The following GUCY1A2 variants were observed in gnomAD, a reference collection of about 807,000 sequenced individuals.
GUCY1A2 encodes guanylate cyclase 1 soluble subunit alpha 2.
GUCY1A2 carries 27 observed loss-of-function variants against 63.5 expected under a neutral mutation model. That is an observed-to-expected ratio of 0.43 (90% CI 0.31 to 0.59). GUCY1A2 has a LOEUF of 0.59. Among genes scored for constraint, GUCY1A2 ranks in the 20% least tolerant of loss-of-function variants. The probability of loss-of-function intolerance (pLI) is 0.11; values close to 1 mark genes in which losing one functional copy is unlikely to be tolerated. For synonymous variants in GUCY1A2, 364 were observed against 343.5 expected, an observed-to-expected ratio of 1.06 and a Z score of -0.66; for missense variants, 768 against 913.3, an observed-to-expected ratio of 0.84 and a Z score of 2.05.
At chr11:106,739,395 C>G (rs7128815) in intron 6 of GUCY1A2, among the ~76,000 whole-genome samples, 74,543 of 152,096 alleles carry the variant, frequency 0.49, 19,959 homozygotes, top group East Asian at 0.72. Context: ...AAAAAGGATA[C>G]ATTTCAAAAT....
rs190574623 is a variant in GUCY1A2 at position 106,946,983 on chromosome 11, C to G, written c.488-6805G>C. ...CCTGTAATCCCAGCACTTTGGGAGG[C>G]CGAGGCGGGTGGATAATGAAGTCAG... On this transcript the variant is annotated intron_variant, in intron 3 of 7. Coordinates refer to ENST00000526355, the MANE Select transcript of GUCY1A2 (RefSeq NM_000855.3). Among the ~76,000 whole-genome samples the G allele has an allele frequency of 3.0e-3, 460 of 152,064 alleles. 5 individuals carry two copies. Among genetic ancestry groups the G allele is most frequent in the African/African-American group, 0.01 (425 of 41,472 alleles).
At chr11:106,766,794 TAAAAGAGACTG>T (rs1201439484) in intron 6 of GUCY1A2, among the ~76,000 whole-genome samples, 1 of 152,016 alleles carries the variant, frequency 6.6e-6, no homozygotes, top group Non-Finnish European at 1.5e-5. Flanking sequence ...CATATAGGCT[TAAAAGAGACTG>T]AAGTGTCAGT....
At chr11:106,810,781 T>C (rs1027505721) in intron 4 of GUCY1A2, among the ~76,000 whole-genome samples, 7 of 152,132 alleles carry the variant, frequency 4.6e-5, no homozygotes, top group Non-Finnish European at 8.8e-5. Flanking sequence ...AGGTACATCA[T>C]GAAACTGGTT....
In GUCY1A2 at chr11:106,833,659, C is replaced by T. The variant is rs147848945; in HGVS notation, c.1207-23181G>A. ...GTTTTCTACCATGTGGAACAGTACA[C>T]GCCATGTAGGCACTCTATAGATATT... On this transcript the variant is annotated intron_variant, in intron 4 of 7. Transcript: ENST00000526355. 2.3e-3 allele frequency among the ~76,000 whole-genome samples: 356 copies of T among 152,138 alleles called. 1 individual carries two copies. Among genetic ancestry groups the T allele is most frequent in the African/African-American group, 8.2e-3 (339 of 41,532 alleles).
intron 6 of GUCY1A2, among the ~76,000 whole-genome samples, chr11:106,725,464 TCTAA>T (rs1227830505): frequency 1.3e-5 from 2 of 152,132 alleles, no homozygotes; most frequent in Non-Finnish European, 2.9e-5. Flanking sequence ...TGGCTAAAAT[TCTAA>T]CTGTGATATT....
intron 4 of GUCY1A2, among the ~76,000 whole-genome samples, chr11:106,906,431 C>T (rs1244989572): frequency 6.6e-6 from 1 of 152,134 alleles, no homozygotes; most frequent in Non-Finnish European, 1.5e-5. Flanking sequence ...ATTAAAAAGT[C>T]AGGCAACAAC....
chr11:106,748,595 C>T lies in GUCY1A2; in HGVS notation c.1836+27844G>A, dbSNP rs888472609. Among the ~76,000 whole-genome samples, 7 of 152,144 alleles carry T rather than the reference C, an allele frequency of 4.6e-5. No individual in the cohort carries two copies. The East Asian group carries it at 1.3e-3, about 29-fold the overall frequency. The stretch of plus-strand genomic sequence containing the variant: ...AAACACTGACAGATGAAATCTAGAA[C>T]CATGGTACACATTTAAACCATGCTA... On this transcript the variant is annotated intron_variant, in intron 6 of 7. Coordinates refer to ENST00000526355, the MANE Select transcript of GUCY1A2 (RefSeq NM_000855.3).
At chr11:106,812,455 T>C (rs1467913311) in intron 4 of GUCY1A2, among the ~76,000 whole-genome samples, 1 of 151,742 alleles carries the variant, frequency 6.6e-6, no homozygotes, top group South Asian at 2.1e-4. Context: ...CTTCATCGCT[T>C]GGACTCTACT....
rs73551821 is a variant in GUCY1A2 at position 106,787,890 on chromosome 11, G to T, written c.1693-11308C>A. Among the ~76,000 whole-genome samples the T allele has an allele frequency of 2.6e-5, 4 of 152,048 alleles. No individual in the cohort carries two copies. The East Asian group carries it at 7.8e-4, about 30-fold the overall frequency. On this transcript the variant is annotated intron_variant, in intron 5 of 7. Coordinates refer to ENST00000526355, the MANE Select transcript of GUCY1A2 (RefSeq NM_000855.3). ...CCATATACTTACTTCCCTTCTTTTG[G>T]ACATATACTTAAGAGTAGGATTGCT...
rs151187969 is a variant in GUCY1A2 at position 106,686,987 on chromosome 11, G to A, written c.*562C>T. 254 of 204,476 alleles carry A rather than the reference G, an allele frequency of 1.2e-3. No homozygotes were observed. The highest frequency in any genetic ancestry group is 2.0e-3 in the Admixed American group (34 of 16,844). 12.7% of individuals were successfully genotyped at this position (204,476 alleles called of 1,614,324 possible). ...TTCTGAAAATCTAATAATGTTGTGC[G>A]AAATGTAGTTATCTAGAAGAGATAT... On this transcript the variant is annotated 3_prime_UTR_variant, in exon 8 of 8. Coordinates refer to ENST00000526355, the MANE Select transcript of GUCY1A2 (RefSeq NM_000855.3).
intron 4 of GUCY1A2, among the ~76,000 whole-genome samples, chr11:106,842,039 T>C (rs996887708): frequency 2.0e-5 from 3 of 151,896 alleles, no homozygotes; most frequent in South Asian, 2.1e-4. Context: ...GTTTGGCCAA[T>C]GGTAAACGAT....
At chr11:106,881,639 C>T (rs530722242) in intron 4 of GUCY1A2, among the ~76,000 whole-genome samples, 2 of 151,984 alleles carry the variant, frequency 1.3e-5, no homozygotes, top group South Asian at 4.1e-4. Flanking sequence ...ACCAAAATGT[C>T]ACCTATGCTA....
chr11:106,715,808 C>T (rs1015316744), intron 6 of GUCY1A2, among the ~76,000 whole-genome samples: 2 of 152,162 alleles, frequency 1.3e-5, no homozygotes, highest in African/African-American at 4.8e-5. Flanking sequence ...TCTAAGTGCT[C>T]AGAGTATAAA....
At chr11:106,981,097 T>C (rs796938224) in intron 2 of GUCY1A2, among the ~76,000 whole-genome samples, 2 of 152,274 alleles carry the variant, frequency 1.3e-5, no homozygotes, top group African/African-American at 4.8e-5. Context: ...CTAATTTGTT[T>C]ATGTTCAAAA....
At chr11:106,719,677 C>T (rs1480192685) in intron 6 of GUCY1A2, among the ~76,000 whole-genome samples, 2 of 152,154 alleles carry the variant, frequency 1.3e-5, no homozygotes, top group Admixed American at 6.5e-5. Flanking sequence ...CTTGGCTACA[C>T]ACTGGAATCA....
Position 106,709,252 on chromosome 11 carries a change from AAT to A in GUCY1A2, c.1837-588_1837-587del, listed in dbSNP as rs1216530339. 9.2e-3 allele frequency among the ~76,000 whole-genome samples: 523 copies of A among 57,070 alleles called. 3 individuals are homozygous for A. Among genetic ancestry groups the A allele is most frequent in the Non-Finnish European group, 0.013 (456 of 34,116 alleles). The allele number at this position is 57,070 out of a possible 152,430, so 37.4% of individuals were successfully genotyped here. A position where few individuals can be genotyped will look rare whatever the true frequency, so the allele number is the denominator to read the frequency against. On this transcript the variant is annotated intron_variant, in intron 6 of 7. Coordinates refer to ENST00000526355, the MANE Select transcript of GUCY1A2 (RefSeq NM_000855.3). ...AATAATTGTATACTATATTGTATAT[AAT>A]ATATATAAATATATTTATATATATA...
intron 4 of GUCY1A2, among the ~76,000 whole-genome samples, chr11:106,841,613 C>T (rs1859199449): frequency 6.6e-6 from 1 of 151,896 alleles, no homozygotes; most frequent in Non-Finnish European, 1.5e-5. Context: ...ATGTTTTATA[C>T]TTGAGTGTCC....
At chr11:106,817,160 T>C (rs949657858) in intron 4 of GUCY1A2, among the ~76,000 whole-genome samples, 1 of 152,098 alleles carries the variant, frequency 6.6e-6, no homozygotes, top group Non-Finnish European at 1.5e-5. Context: ...TCCTCTAACA[T>C]TCATCTTCTA....
chr11:106,899,835 A>G (rs1297582806), intron 4 of GUCY1A2, among the ~76,000 whole-genome samples: 1 of 152,172 alleles, frequency 6.6e-6, no homozygotes. Context: ...CTGTAATCCC[A>G]GCACTTTGGG....
Sources: gnomAD v4.1 joint callset for allele counts (sites outside exome capture counted in the v4.1 genomes callset) on GRCh38, gnomAD v4.1.1 for gene constraint, MANE v1.5 for transcripts, NCBI Gene and HGNC (gene_info 2026-07-23, HGNC 2026-07-21) for gene names.